Variants in LTN1 observed in about 807,000 individuals in gnomAD.
LTN1 encodes the protein listerin E3 ubiquitin protein ligase 1.
In LTN1, 88 loss-of-function variants were observed where a neutral mutation model predicts 201.2. That is an observed-to-expected ratio of 0.44 (90% CI 0.37 to 0.52). The LOEUF is 0.52. Ranked by LOEUF, LTN1 falls within the 20% of genes least tolerant of loss-of-function variation. The probability of loss-of-function intolerance (pLI) is 0.00; values close to 1 mark genes in which losing one functional copy is unlikely to be tolerated. For missense variants in LTN1, 1,752 were observed against 2,038.7 expected, an observed-to-expected ratio of 0.86 and a Z score of 2.71; for synonymous variants, 645 against 713.5, an observed-to-expected ratio of 0.90 and a Z score of 1.53.
At chr21:28,971,485 A>C in intron 6 of LTN1, 41 bp from the exon 7 acceptor site, 1 of 1,579,370 alleles carries the variant, frequency 6.3e-7, no homozygotes, top group Non-Finnish European at 8.7e-7. Flanking sequence ...AACCTAGTAA[A>C]ACTTGATAAG....
At chr21:28,964,608 T>G in intron 11 of LTN1, 3 of 1,548,792 alleles carry the variant, frequency 1.9e-6, no homozygotes, top group Non-Finnish European at 2.6e-6. Flanking sequence ...TATGAACATA[T>G]CTAATGAAAG....
chr21:28,976,933 A>G (rs913126054), intron 6 of LTN1, among the ~76,000 whole-genome samples: 3 of 152,012 alleles, frequency 2.0e-5, no homozygotes, highest in Admixed American at 6.6e-5. Context: ...ATTTTTTTAC[A>G]TTTTTTAGAT....
chr21:28,964,442 T>G, intron 11 of LTN1: 1 of 734,740 alleles, frequency 1.4e-6, no homozygotes, highest in Non-Finnish European at 2.0e-6. Flanking sequence ...TAAATTAAGA[T>G]ATGTACATTG....
rs773927846 is a variant in LTN1, at chr21:28,944,566, T to A, written c.3799A>T (p.Ile1267Phe). Residue 1267 changes from isoleucine (I) to phenylalanine (F), a missense_variant, in exon 22 of 30, where the codon ATT (isoleucine) becomes TTT (phenylalanine). Coordinates refer to ENST00000361371, the MANE Select transcript of LTN1 (RefSeq NM_015565.3). ...TTSENQALYS[I>F]PLVQLFACVS... ...CAGGCAAACAGTTGCACAAGTGGAA[T>A]AGAATACAATGCCTGATTCTCACTT... The A allele has an allele frequency of 6.2e-7, 1 of 1,613,752 alleles. No individual in the cohort carries two copies. The highest frequency in any genetic ancestry group is 1.3e-5 in the African/African-American group (1 of 75,036).
intron 6 of LTN1, among the ~76,000 whole-genome samples, chr21:28,972,340 G>A (rs2084581723): frequency 6.6e-6 from 1 of 151,976 alleles, no homozygotes. Context: ...TACCTGCAGG[G>A]GATTGGATCA....
chr21:28,959,959 C>A, intron 12 of LTN1: 5 of 274,526 alleles, frequency 1.8e-5, no homozygotes, highest in Non-Finnish European at 2.0e-5. Context: ...AGTCATGAGT[C>A]AACTTTATGA....
chr21:28,953,402 A>G (rs753076866), intron 16 of LTN1, 26 bp from the exon 17 acceptor site: 16 of 1,548,074 alleles, frequency 1.0e-5, no homozygotes, highest in Non-Finnish European at 1.3e-5. Context: ...GCACCAAATT[A>G]TGAAAAGCAC....
intron 6 of LTN1, among the ~76,000 whole-genome samples, chr21:28,973,700 T>C (rs181651954): frequency 2.6e-5 from 4 of 152,264 alleles, no homozygotes; most frequent in African/African-American, 9.6e-5. Flanking sequence ...ACTGAGCAGA[T>C]TGTAAAACAT....
chr21:28,964,945 T>C (rs767714256), intron 11 of LTN1, among the ~76,000 whole-genome samples: 8 of 152,070 alleles, frequency 5.3e-5, no homozygotes, highest in Non-Finnish European at 8.8e-5. Flanking sequence ...ATATTCCTCA[T>C]TGAAAAATAA....
At chr21:28,984,657 A>G in intron 4 of LTN1, 35 bp downstream of exon 4, 1 of 1,543,856 alleles carries the variant, frequency 6.5e-7, no homozygotes, top group Non-Finnish European at 8.9e-7. Flanking sequence ...ATACTTAAAA[A>G]AAAAAAATAG....
In LTN1 at chr21:28,944,249, C is replaced by G; in HGVS notation, c.3982+134G>C. ...AAGCATAGATGATGCTTCTGAGAAG[C>G]CAAGCTTTCTCTTCTGGCTTTTTCT... On this transcript the variant is annotated intron_variant, in intron 22 of 29. Coordinates refer to ENST00000361371, the MANE Select transcript of LTN1 (RefSeq NM_015565.3). 6 of 690,108 alleles carry G rather than the reference C, an allele frequency of 8.7e-6. No homozygotes were observed. The South Asian group carries it at 9.7e-5, about 11-fold the overall frequency. The allele number at this position is 690,108 out of a possible 1,614,324, so 42.7% of individuals were successfully genotyped here.
chr21:28,976,236 T>C (rs916903349), intron 6 of LTN1, among the ~76,000 whole-genome samples: 12 of 152,224 alleles, frequency 7.9e-5, no homozygotes, highest in African/African-American at 2.9e-4. Flanking sequence ...TTTACAGGAC[T>C]GTGTGCAAAT....
chr21:28,960,938 C>CT (rs2084473391), intron 11 of LTN1: 2 of 339,468 alleles, frequency 5.9e-6, no homozygotes, highest in Admixed American at 4.7e-5. Context: ...AATATTCCCC[C>CT]ACCCCCCCCT....
intron 29 of LTN1, 45 bp from the exon 30 acceptor site, chr21:28,930,555 C>T: frequency 1.6e-6 from 2 of 1,278,270 alleles, no homozygotes; most frequent in Non-Finnish European, 2.3e-6. Context: ...TTTTAAAGTT[C>T]TCCTCTAACA....
At position 28,984,831 on chromosome 21, in the gene LTN1, CT is replaced by C; in HGVS notation, c.436del (p.Ser146ValfsTer2). The C allele has an allele frequency of 6.2e-7, 1 of 1,614,104 alleles. No homozygotes were observed. The highest frequency in any genetic ancestry group is 1.1e-5 in the South Asian group (1 of 91,080). On this transcript the variant is annotated frameshift_variant, in exon 4 of 30. Coordinates refer to ENST00000361371, the MANE Select transcript of LTN1 (RefSeq NM_015565.3). LOFTEE classifies it high-confidence loss of function. The part of the protein sequence containing the change: ...VKKQLAPYLK[S>X]LMGYWLMAQC... ...AGCCATTAGCCAATATCCCATTAAA[CT>C]TTTTAAGTAGGGAGCCAACTGTTTC...
chr21:28,991,062 G>A (rs1281938387), intron 1 of LTN1, among the ~76,000 whole-genome samples: 1 of 151,730 alleles, frequency 6.6e-6, no homozygotes, highest in Non-Finnish European at 1.5e-5. Flanking sequence ...ACTTGAACCC[G>A]AGAGGCGGAG....
At chr21:28,962,194 T>C (rs1394222068) in intron 11 of LTN1, among the ~76,000 whole-genome samples, 1 of 152,286 alleles carries the variant, frequency 6.6e-6, no homozygotes, top group African/African-American at 2.4e-5. Context: ...AAAATGCCTC[T>C]CGAGTTAGCA....
At chr21:28,933,496 C>T (rs1000750843) in intron 27 of LTN1, among the ~76,000 whole-genome samples, 2 of 152,140 alleles carry the variant, frequency 1.3e-5, no homozygotes, top group African/African-American at 4.8e-5. Context: ...CACTTTAGAC[C>T]GTTATTTGAG....
chr21:28,964,880 C>A, intron 11 of LTN1: 1 of 1,356,332 alleles, frequency 7.4e-7, no homozygotes, highest in Non-Finnish European at 9.6e-7. Context: ...TGTAACTTGG[C>A]TACAGGGAGA....
Sources: allele counts gnomAD v4.1 joint callset (sites outside exome capture counted in the v4.1 genomes callset), GRCh38; gene constraint gnomAD v4.1.1; transcripts MANE v1.5; gene names NCBI Gene and HGNC (gene_info 2026-07-23, HGNC 2026-07-21).